SMARCC1: variants seen among roughly 807,000 people sequenced by gnomAD.
SMARCC1 encodes SWI/SNF complex subunit SMARCC1.
SMARCC1 carries 43 observed loss-of-function variants against 147.4 expected under a neutral mutation model. The observed-to-expected ratio is 0.29, with a 90% CI of 0.23 to 0.38. The LOEUF is 0.38. SMARCC1 is among the 10% of genes least tolerant of loss of function. The pLI, the probability that SMARCC1 is intolerant of heterozygous loss-of-function variation, is 1.00. For synonymous variants in SMARCC1, 495 were observed against 484.4 expected (o/e 1.02, Z -0.29); for missense variants, 1,119 against 1,381.1 (o/e 0.81, Z 3.01).
At chr3:47,770,220 T>C (rs919403287) in intron 2 of SMARCC1, among the ~76,000 whole-genome samples, 1 of 151,240 alleles carries the variant, frequency 6.6e-6, no homozygotes, top group African/African-American at 2.4e-5. Flanking sequence ...AGAGTGAGAC[T>C]GTCTCAAAAA....
chr3:47,627,495 G>C (rs999065918), intron 24 of SMARCC1, among the ~76,000 whole-genome samples: 5 of 152,092 alleles, frequency 3.3e-5, no homozygotes, highest in Admixed American at 3.3e-4. Context: ...AGTGGGATTT[G>C]AATAAAACAT....
intron 24 of SMARCC1, among the ~76,000 whole-genome samples, chr3:47,630,868 GC>G (rs2032878079): frequency 6.6e-6 from 1 of 152,252 alleles, no homozygotes; most frequent in Admixed American, 6.5e-5. Flanking sequence ...TTTGAGACCA[GC>G]CTGGGCAATA....
chr3:47,596,942 T>A (rs905291518), intron 26 of SMARCC1, among the ~76,000 whole-genome samples: 8 of 151,870 alleles, frequency 5.3e-5, no homozygotes, highest in African/African-American at 1.9e-4. Context: ...CTGCCTGTAA[T>A]CCCGGCACTT....
At chr3:47,670,266 C>G (rs2033477884) in intron 19 of SMARCC1, 1 of 176,490 alleles carries the variant, frequency 5.7e-6, no homozygotes. Context: ...CCAGTGGACA[C>G]TTTTTAAAAC....
At chr3:47,774,763 G>A (rs2034955107) in intron 1 of SMARCC1, among the ~76,000 whole-genome samples, 1 of 151,376 alleles carries the variant, frequency 6.6e-6, no homozygotes. Flanking sequence ...ATACTATATT[G>A]ATAATTTGCA....
rs761118201 is a variant in SMARCC1, at chr3:47,686,219, G to GAT, written c.1264-51_1264-50dup. 9 of 1,469,792 alleles carry GAT rather than the reference G, an allele frequency of 6.1e-6. No homozygotes were observed. The South Asian group carries it at 9.3e-5, about 15-fold the overall frequency. 91.0% of individuals were successfully genotyped at this position (1,469,792 alleles called of 1,614,324 possible). On this transcript the variant is annotated intron_variant, in intron 13 of 27. Coordinates refer to ENST00000254480, the MANE Select transcript of SMARCC1 (RefSeq NM_003074.4). ...AAAGAAAGAAAGAACTACAGAGAGA[G>GAT]ATATATATAACATCTCTTACACTTC... is the stretch of plus-strand genomic sequence containing the variant.
At chr3:47,765,086 T>C (rs780291101) in intron 2 of SMARCC1, among the ~76,000 whole-genome samples, 3 of 152,104 alleles carry the variant, frequency 2.0e-5, no homozygotes, top group African/African-American at 7.2e-5. Context: ...ACCCTGTCTC[T>C]ACCAAAAATG....
At chr3:47,608,691 A>T (rs1396592483) in intron 26 of SMARCC1, among the ~76,000 whole-genome samples, 1 of 151,852 alleles carries the variant, frequency 6.6e-6, no homozygotes, top group Non-Finnish European at 1.5e-5. Flanking sequence ...ATAAAAACAA[A>T]ACCAAAAATT....
intron 7 of SMARCC1, among the ~76,000 whole-genome samples, chr3:47,719,493 G>A (rs1576421263): frequency 1.3e-5 from 2 of 151,920 alleles, no homozygotes; most frequent in East Asian, 3.9e-4. Flanking sequence ...CTGAGGTCAG[G>A]AGTGCAAGAC....
chr3:47,757,396 G>A (rs1051127396), intron 2 of SMARCC1, among the ~76,000 whole-genome samples: 2 of 152,140 alleles, frequency 1.3e-5, no homozygotes, highest in African/African-American at 4.8e-5. Flanking sequence ...TTAGCAACTA[G>A]AAAATAATGC....
chr3:47,668,534 G>C (rs532986987), intron 19 of SMARCC1, among the ~76,000 whole-genome samples: 89 of 152,240 alleles, frequency 5.8e-4, no homozygotes, highest in African/African-American at 2.1e-3. Context: ...AACATAACCA[G>C]ATATTAACCT....
rs2034559853 is a variant in SMARCC1, at chr3:47,745,950, T to C, written c.359A>G (p.His120Arg). The C allele has an allele frequency of 6.3e-7, 1 of 1,590,388 alleles. No individual in the cohort carries two copies. The highest frequency in any genetic ancestry group is 2.3e-5 in the East Asian group (1 of 44,102). Residue 120 changes from histidine (H) to arginine (R), a missense_variant, in exon 3 of 28, where the codon CAC (histidine) becomes CGC (arginine). By Grantham distance (29) the His-to-Arg change is conservative. Around this residue, in one of 6 missense-constraint regions of SMARCC1, gnomAD observed 542 missense variants for 611.8 expected, o/e 0.89. Transcript: ENST00000254480. ...ATACTTGTAAGCAGCCCCAAGAATG[T>C]GACATAAGGCGCCTCCAGCTTTGAA... ...MDFKAGGALC[H>R]ILGAAYKYKN...
chr3:47,656,190 G>C (rs1344278236), intron 21 of SMARCC1, among the ~76,000 whole-genome samples: 1 of 152,048 alleles, frequency 6.6e-6, no homozygotes, highest in Non-Finnish European at 1.5e-5. Context: ...CAGCCTGGGT[G>C]ACAGAGGAAG....
At chr3:47,774,700 T>C (rs927290680) in intron 1 of SMARCC1, among the ~76,000 whole-genome samples, 4 of 152,086 alleles carry the variant, frequency 2.6e-5, no homozygotes, top group Non-Finnish European at 5.9e-5. Flanking sequence ...TACAGTACTG[T>C]GCCCAGCCAA....
chr3:47,640,097 T>G (rs999327302), intron 21 of SMARCC1, among the ~76,000 whole-genome samples: 6 of 152,284 alleles, frequency 3.9e-5, no homozygotes, highest in Admixed American at 3.9e-4. Context: ...CATGGAAACT[T>G]AATTGTGGGA....
At chr3:47,664,035 G>A in intron 19 of SMARCC1, 1 of 637,760 alleles carries the variant, frequency 1.6e-6, no homozygotes. Context: ...CCTTTGAGAG[G>A]CCCATGCGTC....
intron 14 of SMARCC1, among the ~76,000 whole-genome samples, chr3:47,685,006 A>T (rs181819340): frequency 3.3e-4 from 50 of 152,352 alleles, no homozygotes; most frequent in Non-Finnish European, 4.6e-4. Flanking sequence ...CATAGATCTT[A>T]GCAAGCTCAG....
chr3:47,686,327 A>C lies in SMARCC1; in HGVS notation c.1264-157T>G, dbSNP rs956954395. On this transcript the variant is annotated intron_variant, in intron 13 of 27. Coordinates refer to ENST00000254480, the MANE Select transcript of SMARCC1 (RefSeq NM_003074.4). ...ATTTCAAGTAAAAACAACCTTTCAC[A>C]GTATTTAAGGTACAAGGTAGCCAGC... Among the ~76,000 whole-genome samples, 14 of 152,372 alleles carry C rather than the reference A, an allele frequency of 9.2e-5. No individual in the cohort carries two copies. The East Asian group carries it at 2.3e-3, about 25-fold the overall frequency.
chr3:47,641,396 G>C (rs955253323), intron 21 of SMARCC1, among the ~76,000 whole-genome samples: 1 of 152,128 alleles, frequency 6.6e-6, no homozygotes, highest in African/African-American at 2.4e-5. Flanking sequence ...GAGGGAGCAG[G>C]ATCGCCTGAG....
Sources: gnomAD v4.1 joint callset for allele counts (sites outside exome capture counted in the v4.1 genomes callset) on GRCh38, gnomAD v4.1.1 for gene constraint, gnomAD v4.1.1 regional missense constraint, MANE v1.5 for transcripts, NCBI Gene and HGNC (gene_info 2026-07-23, HGNC 2026-07-21) for gene names.